GLCCI1: variants seen among roughly 807,000 people sequenced by gnomAD.
GLCCI1 encodes the protein glucocorticoid-induced transcript 1 protein.
GLCCI1 carries 24 observed loss-of-function variants against 52.2 expected under a neutral mutation model. That is an observed-to-expected ratio of 0.46 (90% CI 0.33 to 0.65). The LOEUF (loss-of-function observed/expected upper bound fraction) is 0.65. Among genes scored for constraint, GLCCI1 ranks in the 30% least tolerant of loss-of-function variants. The pLI is 0.02. For synonymous variants in GLCCI1, 310 were observed against 276.5 expected (o/e 1.12, Z -1.20); for missense variants, 704 against 701.5 (o/e 1.00, Z -0.04).
chr7:8,063,059 T>C (rs1782551300), intron 5 of GLCCI1, among the ~76,000 whole-genome samples: 1 of 152,240 alleles, frequency 6.6e-6, no homozygotes, highest in African/African-American at 2.4e-5. Context: ...CCACAGTGGC[T>C]AAACTTACTT....
chr7:8,086,352 C>T lies in GLCCI1; in HGVS notation c.1458C>T (p.Ser486=). 6.2e-7 allele frequency: 1 copy of T among 1,614,086 alleles called. No homozygotes were observed. Among genetic ancestry groups the T allele is most frequent in the Admixed American group, 1.7e-5 (1 of 60,008 alleles). The part of the protein sequence containing the change: ...MLKNSPNSGQ[S]SALATLTVEQ... ...AGAACTCCCCTAACTCTGGCCAGAG[C>T]TCAGCTTTGGCAACTCTGACCGTTG... Residue 486 remains serine (S), a synonymous_variant, in exon 8 of 8, where the codon AGC becomes AGT. Transcript: ENST00000223145. This position sits in a 1 kb window ranked among gnomAD's most constrained non-coding sequence, Gnocchi z 4.4.
intron 5 of GLCCI1, among the ~76,000 whole-genome samples, chr7:8,060,816 G>T (rs1414543822): frequency 6.6e-6 from 1 of 152,090 alleles, no homozygotes; most frequent in East Asian, 1.9e-4. Flanking sequence ...CATACTGTTT[G>T]CATTTCTCTT....
At chr7:8,003,797 T>C in intron 1 of GLCCI1, 111 bp from the exon 2 acceptor site, 1 of 892,094 alleles carries the variant, frequency 1.1e-6, no homozygotes, top group South Asian at 1.8e-5. Flanking sequence ...AGTGTAAATA[T>C]ATATATCACA....
intron 3 of GLCCI1, among the ~76,000 whole-genome samples, chr7:8,033,063 TG>T (rs958828216): frequency 2.0e-5 from 3 of 151,870 alleles, no homozygotes; most frequent in African/African-American, 7.2e-5. Context: ...CCTGAGTAAG[TG>T]GGATTTGTCC....
intron 5 of GLCCI1, among the ~76,000 whole-genome samples, chr7:8,062,036 C>T (rs779613827): frequency 6.6e-6 from 1 of 152,056 alleles, no homozygotes; most frequent in African/African-American, 2.4e-5. Flanking sequence ...AACTTTGGAT[C>T]TAATTTTTAG....
chr7:8,080,279 A>G (rs1242225520), intron 6 of GLCCI1, among the ~76,000 whole-genome samples: 1 of 151,490 alleles, frequency 6.6e-6, no homozygotes, highest in African/African-American at 2.5e-5. Context: ...CATATTTCTA[A>G]TTTAATTCTC....
intron 2 of GLCCI1, among the ~76,000 whole-genome samples, chr7:8,020,836 T>C (rs2127948102): frequency 6.6e-6 from 1 of 152,306 alleles, no homozygotes; most frequent in East Asian, 1.9e-4. Flanking sequence ...ACTAAACAAT[T>C]GAATAATTTT....
intron 2 of GLCCI1, among the ~76,000 whole-genome samples, chr7:8,012,692 G>A (rs537178028): frequency 7.2e-4 from 110 of 151,980 alleles, no homozygotes; most frequent in Non-Finnish European, 9.7e-4. Flanking sequence ...TGATCCACCC[G>A]CCTCAGCCTC....
intron 2 of GLCCI1, among the ~76,000 whole-genome samples, chr7:8,007,281 A>G (rs150156464): frequency 2.0e-3 from 299 of 152,336 alleles, no homozygotes; most frequent in African/African-American, 6.8e-3. Context: ...ACATCATTAC[A>G]TAGCTGTACA....
intron 4 of GLCCI1, among the ~76,000 whole-genome samples, chr7:8,059,407 A>C (rs537272729): frequency 2.6e-5 from 4 of 152,216 alleles, no homozygotes; most frequent in Non-Finnish European, 5.9e-5. Context: ...CATTTGTTTT[A>C]ATTTTTACCT....
intron 1 of GLCCI1, among the ~76,000 whole-genome samples, chr7:7,979,806 A>G (rs1780571189): frequency 6.6e-6 from 1 of 152,212 alleles, no homozygotes; most frequent in African/African-American, 2.4e-5. Context: ...TTGTCTAAAT[A>G]TCTGCTATTG....
chr7:7,988,471 T>A (rs897292460), intron 1 of GLCCI1, among the ~76,000 whole-genome samples: 1 of 152,132 alleles, frequency 6.6e-6, no homozygotes, highest in African/African-American at 2.4e-5. Context: ...TTCAAAGAGG[T>A]CACATTGAGG....
Position 8,086,373 on chromosome 7 carries a change from C to CCAA in GLCCI1, c.1479_1480insCAA (p.Thr493_Val494insGln). On this transcript the variant is annotated inframe_insertion, in exon 8 of 8. Transcript: ENST00000223145. The surrounding 1 kb of genome is among the most constrained non-coding windows in gnomAD (Gnocchi z 4.4). ...AGAGCTCAGCTTTGGCAACTCTGAC[C>CCAA]GTTGAGCAGCTCTCATCCCGGGTTT... is the stretch of plus-strand genomic sequence containing the variant. The CCAA allele has an allele frequency of 6.2e-7, 1 of 1,614,126 alleles. No homozygotes were observed. Among genetic ancestry groups the CCAA allele is most frequent in the Non-Finnish European group, 8.5e-7 (1 of 1,180,010 alleles).
chr7:8,020,385 T>C (rs181150333), intron 2 of GLCCI1, among the ~76,000 whole-genome samples: 3 of 152,352 alleles, frequency 2.0e-5, no homozygotes, highest in East Asian at 1.9e-4. Context: ...TGATTTCTTT[T>C]GTAGGTAATT....
Position 8,086,385 on chromosome 7 carries a change from C to A in GLCCI1, c.1491C>A (p.Leu497=). The change falls in exon 8 of 8, where the codon CTC becomes CTA. Residue 497 remains leucine (L), a synonymous_variant. Coordinates refer to ENST00000223145, the MANE Select transcript of GLCCI1 (RefSeq NM_138426.4). The surrounding 1 kb of genome is among the most constrained non-coding windows in gnomAD (Gnocchi z 4.4). ...TGGCAACTCTGACCGTTGAGCAGCT[C>A]TCATCCCGGGTTTCCTTTACGTCTC... ...SALATLTVEQ[L]SSRVSFTSLS... is the part of the protein sequence containing the mutation. The A allele has an allele frequency of 6.2e-7, 1 of 1,614,156 alleles. No homozygotes were observed. Among genetic ancestry groups the A allele is most frequent in the Non-Finnish European group, 8.5e-7 (1 of 1,180,032 alleles).
chr7:8,022,472 A>AT lies in GLCCI1; in HGVS notation c.610-5dup. 6.8e-7 allele frequency: 1 copy of AT among 1,473,106 alleles called. No homozygotes were observed. The highest frequency in any genetic ancestry group is 9.1e-7 in the Non-Finnish European group (1 of 1,097,388). The allele number at this position is 1,473,106 out of a possible 1,614,324, so 91.3% of individuals were successfully genotyped here. On this transcript the variant is annotated splice_polypyrimidine_tract_variant and intron_variant, in intron 2 of 7. Coordinates refer to ENST00000223145, the MANE Select transcript of GLCCI1 (RefSeq NM_138426.4). ...AATTTCTTATTTTATTTATATATAT[A>AT]TTTTTTAAAGACACCTAGCTGTTGG...
intron 6 of GLCCI1, among the ~76,000 whole-genome samples, chr7:8,078,454 G>A (rs180699288): frequency 2.0e-5 from 3 of 152,060 alleles, no homozygotes; most frequent in Non-Finnish European, 4.4e-5. Context: ...CAGCAATTTT[G>A]AATCTGTACC....
Position 8,086,296 on chromosome 7 carries a change from C to T in GLCCI1, c.1402C>T (p.Pro468Ser), listed in dbSNP as rs778089802. The T allele has an allele frequency of 1.9e-6, 3 of 1,614,094 alleles. No homozygotes were observed. The East Asian group carries it at 6.7e-5, about 36-fold the overall frequency. The change falls in exon 8 of 8, where the codon CCC (proline) becomes TCC (serine). Residue 468 changes from proline (P) to serine (S), a missense_variant. This residue lies in a region of GLCCI1 where 149 missense variants were observed against 152.9 expected (regional missense o/e 0.97). Transcript: ENST00000223145. The surrounding 1 kb of genome is among the most constrained non-coding windows in gnomAD (Gnocchi z 4.4). ...TTTCTGTCCTGTAAAACTTCTAGGC[C>T]CCCTCTTACCTGCTTCTGACCTTAT... ...SAFCPVKLLG[P>S]LLPASDLMLK...
intron 6 of GLCCI1, among the ~76,000 whole-genome samples, chr7:8,079,207 C>G (rs1231604362): frequency 2.0e-5 from 3 of 151,962 alleles, no homozygotes; most frequent in Admixed American, 2.0e-4. Flanking sequence ...CAGATTGTTT[C>G]ATGCCTCTCT....
Sources: gnomAD v4.1 joint callset for allele counts (sites outside exome capture counted in the v4.1 genomes callset) on GRCh38, gnomAD v4.1.1 for gene constraint, gnomAD v4.1.1 regional missense constraint, Gnocchi (gnomAD v3.1) non-coding constraint, MANE v1.5 for transcripts, NCBI Gene and HGNC (gene_info 2026-07-23, HGNC 2026-07-21) for gene names.